CCNY: variants seen among roughly 807,000 people sequenced by gnomAD.
CCNY encodes cyclin-Y.
CCNY carries 19 observed loss-of-function variants against 42.8 expected under a neutral mutation model. The ratio of observed to expected loss-of-function variants is 0.44; its 90% CI spans 0.31 to 0.65. The LOEUF is 0.65. Ranked by LOEUF, CCNY falls within the 30% of genes least tolerant of loss-of-function variation. The pLI is 0.07. For missense variants in CCNY, 370 were observed against 437.3 expected, an observed-to-expected ratio of 0.85 and a Z score of 1.37; for synonymous variants, 165 against 162.7, an observed-to-expected ratio of 1.01 and a Z score of -0.11.
intron 1 of CCNY, among the ~76,000 whole-genome samples, chr10:35,414,463 C>T (rs1837981481): frequency 6.6e-6 from 1 of 152,190 alleles, no homozygotes; most frequent in Admixed American, 6.5e-5. Context: ...AGACAACTTG[C>T]AGGGGGGAAG....
intron 1 of CCNY, among the ~76,000 whole-genome samples, chr10:35,458,038 A>C (rs1164779501): frequency 6.6e-6 from 1 of 152,144 alleles, no homozygotes. Context: ...GGAACAGGAC[A>C]TGTTATGTAC....
chr10:35,481,095 C>G (rs985961019), intron 1 of CCNY, among the ~76,000 whole-genome samples: 6 of 152,202 alleles, frequency 3.9e-5, no homozygotes, highest in Admixed American at 3.9e-4. Flanking sequence ...CACATATTTT[C>G]CCCCAAAAGG....
chr10:35,334,287 A>T (rs906935748), upstream of CCNY, among the ~76,000 whole-genome samples: 9 of 152,238 alleles, frequency 5.9e-5, no homozygotes, highest in African/African-American at 2.2e-4. Flanking sequence ...TTATAATGAA[A>T]TAAAAATAGC....
At chr10:35,536,919 G>T (rs912927948) in intron 7 of CCNY, among the ~76,000 whole-genome samples, 1 of 152,192 alleles carries the variant, frequency 6.6e-6, no homozygotes, top group Admixed American at 6.5e-5. Context: ...GCAGAAACTT[G>T]CAGGAGAGAA....
chr10:35,417,939 T>G (rs1838061524), intron 1 of CCNY, among the ~76,000 whole-genome samples: 1 of 152,240 alleles, frequency 6.6e-6, no homozygotes, highest in African/African-American at 2.4e-5. Flanking sequence ...TTCAGCAAGA[T>G]GCTGTGTGAC....
chr10:35,281,154 C>A (rs1273447149), intron 3 of CCNY, among the ~76,000 whole-genome samples: 1 of 152,012 alleles, frequency 6.6e-6, no homozygotes, highest in African/African-American at 2.4e-5. Flanking sequence ...ATGGAAAATG[C>A]CATTGTGGAA....
At chr10:35,287,761 C>T (rs1382779414) in intron 3 of CCNY, among the ~76,000 whole-genome samples, 1 of 151,908 alleles carries the variant, frequency 6.6e-6, no homozygotes, top group African/African-American at 2.4e-5. Context: ...TTTGGTTTGT[C>T]TTCAGGTTTT....
intron 3 of CCNY, among the ~76,000 whole-genome samples, chr10:35,307,760 ATG>A (rs60407989): frequency 0.14 from 15,659 of 115,352 alleles, 1,597 homozygotes; most frequent in East Asian, 0.27. Context: ...ATGTGTATAT[ATG>A]TGTGTGTGTG....
chr10:35,255,890 C>T lies in CCNY; in HGVS notation c.-9+5264C>T, dbSNP rs116291141. ...GATTACAGGTGTGAGCCACTGCCTCCAGCCATATAATTATTAAATCTTCTT... is the reference window on the plus strand; with the variant it reads ...GATTACAGGTGTGAGCCACTGCCTCTAGCCATATAATTATTAAATCTTCTT... On this transcript the variant is annotated intron_variant, in intron 3 of 11. Transcript: ENST00000374706. Among the ~76,000 whole-genome samples the T allele has an allele frequency of 3.8e-3, 584 of 152,310 alleles. 1 individual carries two copies. Among genetic ancestry groups the T allele is most frequent in the African/African-American group, 0.013 (556 of 41,578 alleles).
At position 35,323,654 on chromosome 10, in the gene CCNY, G is replaced by A. The variant is rs112497657; in HGVS notation, c.-9+73028G>A. On this transcript the variant is annotated intron_variant, in intron 3 of 11. Coordinates refer to the CCNY transcript ENST00000374706. ...CCAGGGACGAGTACCAGGGAATTTT[G>A]GGGTGATGGAAATGTTCTAGATCTT... Among the ~76,000 whole-genome samples, 510 of 152,284 alleles carry A rather than the reference G, an allele frequency of 3.3e-3. 4 individuals carry two copies. The highest frequency in any genetic ancestry group is 0.012 in the African/African-American group (480 of 41,560).
At chr10:35,500,286 T>G (rs980756136) in intron 2 of CCNY, among the ~76,000 whole-genome samples, 2 of 152,256 alleles carry the variant, frequency 1.3e-5, no homozygotes, top group African/African-American at 4.8e-5. Flanking sequence ...ATTTTTGCTT[T>G]TGCATTTTTG....
At chr10:35,446,241 A>T (rs1435795304) in intron 1 of CCNY, among the ~76,000 whole-genome samples, 1 of 152,226 alleles carries the variant, frequency 6.6e-6, no homozygotes, top group South Asian at 2.1e-4. Context: ...ATAGTACTAA[A>T]TGTTCGATTC....
intron 1 of CCNY, among the ~76,000 whole-genome samples, chr10:35,458,908 A>T (rs1052612107): frequency 1.3e-5 from 2 of 152,154 alleles, no homozygotes; most frequent in Non-Finnish European, 2.9e-5. Flanking sequence ...CTCAGCCCTT[A>T]GTTGATTCAG....
At chr10:35,439,052 T>C (rs1199371047) in intron 1 of CCNY, among the ~76,000 whole-genome samples, 1 of 152,198 alleles carries the variant, frequency 6.6e-6, no homozygotes, top group Non-Finnish European at 1.5e-5. Context: ...TCCTTATAGG[T>C]AGGTGTCATC....
chr10:35,479,694 C>T (rs1231845015), intron 1 of CCNY, among the ~76,000 whole-genome samples: 1 of 150,786 alleles, frequency 6.6e-6, no homozygotes. Context: ...ACCAGCATGG[C>T]ACATGTTTAC....
At chr10:35,336,353 GC>G, upstream of CCNY, 1 of 152,190 alleles carries the variant, frequency 6.6e-6, no homozygotes, top group Non-Finnish European at 1.5e-5. Context: ...GAGAGGAGCG[GC>G]CCCCGGGAGC....
rs35909291 is a variant in CCNY at position 35,312,382 on chromosome 10, C to CAAA, written c.-9+61780_-9+61782dup. On this transcript the variant is annotated intron_variant, in intron 3 of 11. Coordinates refer to the CCNY transcript ENST00000374706. The stretch of plus-strand genomic sequence containing the variant: ...GGCAACAGAGTGAGACTCTGTGTCA[C>CAAA]AAAAAAAAAAAAAAAAAAAAAAAAA... Among the ~76,000 whole-genome samples the CAAA allele has an allele frequency of 2.5e-3, 152 of 61,444 alleles. 8 individuals are homozygous for CAAA. Among genetic ancestry groups the CAAA allele is most frequent in the African/African-American group, 7.6e-3 (124 of 16,230 alleles). The allele number at this position is 61,444 out of a possible 152,430, so 40.3% of individuals were successfully genotyped here.
At chr10:35,532,471 C>T (rs1245661693) in intron 7 of CCNY, among the ~76,000 whole-genome samples, 1 of 152,226 alleles carries the variant, frequency 6.6e-6, no homozygotes, top group Admixed American at 6.5e-5. Context: ...AACACCCAAA[C>T]CTACTTCACC....
chr10:35,254,791 A>G (rs2095714318), intron 3 of CCNY, among the ~76,000 whole-genome samples: 1 of 148,154 alleles, frequency 6.7e-6, no homozygotes, highest in South Asian at 2.1e-4. Flanking sequence ...TGATCGTGCC[A>G]CTGCACTCCA....
Sources: allele counts gnomAD v4.1 joint callset (sites outside exome capture counted in the v4.1 genomes callset), GRCh38; gene constraint gnomAD v4.1.1; transcripts MANE v1.5; gene names NCBI Gene and HGNC (gene_info 2026-07-23, HGNC 2026-07-21).